The following LINGO2 variants were observed in gnomAD, a reference collection of about 807,000 sequenced individuals.
The protein encoded by LINGO2 is leucine rich repeat and Ig domain containing 2.
In LINGO2, 14 loss-of-function variants were observed where a neutral mutation model predicts 30.6. That is an observed-to-expected ratio of 0.46 (90% CI 0.30 to 0.72). LINGO2 has a LOEUF of 0.72. Among genes scored for constraint, LINGO2 ranks in the 30% least tolerant of loss-of-function variants. The pLI, the probability that LINGO2 is intolerant of heterozygous loss-of-function variation, is 0.07. For missense variants in LINGO2, 729 were observed against 751.7 expected, an observed-to-expected ratio of 0.97 and a Z score of 0.35; for synonymous variants, 317 against 288.5, an observed-to-expected ratio of 1.10 and a Z score of -1.00.
At chr9:28,988,775 C>T in the LINGO2 span, among the ~76,000 whole-genome samples, 4 of 152,276 alleles carry the variant, frequency 2.6e-5, no homozygotes, top group East Asian at 1.9e-4. Flanking sequence ...CATCTGGCAT[C>T]GTGCCTACCT....
At chr9:29,054,739 T>C in the LINGO2 span, among the ~76,000 whole-genome samples, 1 of 152,172 alleles carries the variant, frequency 6.6e-6, no homozygotes, top group Non-Finnish European at 1.5e-5. Flanking sequence ...GAATATCCAT[T>C]GGTGAAAACA....
intron 1 of LINGO2, among the ~76,000 whole-genome samples, chr9:28,522,027 A>G (rs1213677275): frequency 6.6e-6 from 1 of 152,228 alleles, no homozygotes; most frequent in Non-Finnish European, 1.5e-5. Context: ...AGCCTTCAGA[A>G]CTGTGAGAGA....
the LINGO2 span, among the ~76,000 whole-genome samples, chr9:29,207,081 A>G: frequency 6.6e-6 from 1 of 151,820 alleles, no homozygotes; most frequent in Non-Finnish European, 1.5e-5. Flanking sequence ...ACATATATAC[A>G]TAGAGACTCT....
At chr9:29,130,776 A>G in the LINGO2 span, among the ~76,000 whole-genome samples, 2 of 152,128 alleles carry the variant, frequency 1.3e-5, no homozygotes, top group African/African-American at 4.8e-5. Context: ...ACATGGAAGG[A>G]GGGATCAACT....
At chr9:28,936,699 T>C in the LINGO2 span, among the ~76,000 whole-genome samples, 5 of 152,230 alleles carry the variant, frequency 3.3e-5, no homozygotes, top group African/African-American at 1.2e-4. Context: ...ATAATGTACA[T>C]ATAGGGCTTA....
At chr9:27,937,845 G>A in the LINGO2 span, 1 of 151,924 alleles carries the variant, frequency 6.6e-6, no homozygotes, top group Non-Finnish European at 1.5e-5. Context: ...AATTACAATA[G>A]TTGTTGAAAA....
chr9:28,089,073 T>C (rs1166235386), intron 4 of LINGO2, among the ~76,000 whole-genome samples: 1 of 152,100 alleles, frequency 6.6e-6, no homozygotes, highest in Admixed American at 6.6e-5. Flanking sequence ...AGCAAGTCCT[T>C]AGAGACCTAC....
At chr9:28,437,143 A>T (rs10812826) in intron 2 of LINGO2, among the ~76,000 whole-genome samples, 1 of 152,088 alleles carries the variant, frequency 6.6e-6, no homozygotes, top group Admixed American at 6.5e-5. Context: ...ACTGAGTGGA[A>T]AAGGTCCACT....
chr9:28,317,750 T>C (rs1202375909), intron 3 of LINGO2, among the ~76,000 whole-genome samples: 3 of 152,216 alleles, frequency 2.0e-5, no homozygotes, highest in African/African-American at 4.8e-5. Flanking sequence ...TATTAATTCA[T>C]ACAGGGTACG....
chr9:28,012,926 T>C (rs190925962), intron 4 of LINGO2, among the ~76,000 whole-genome samples: 188 of 152,328 alleles, frequency 1.2e-3, no homozygotes, highest in African/African-American at 4.3e-3. Flanking sequence ...GCAGCGCTTG[T>C]TAAGACAGAT....
the LINGO2 span, among the ~76,000 whole-genome samples, chr9:29,153,558 A>G: frequency 6.6e-6 from 1 of 152,220 alleles, no homozygotes; most frequent in Non-Finnish European, 1.5e-5. Flanking sequence ...CAGTAACTTT[A>G]GAACTAAAAA....
intron 3 of LINGO2, among the ~76,000 whole-genome samples, chr9:28,322,747 A>AT (rs1342113104): frequency 6.6e-6 from 1 of 152,128 alleles, no homozygotes; most frequent in Admixed American, 6.5e-5. Context: ...AGCAGAATAT[A>AT]TTTTCTCTCT....
chr9:28,142,308 A>C (rs1286798788), intron 4 of LINGO2, among the ~76,000 whole-genome samples: 2 of 152,090 alleles, frequency 1.3e-5, no homozygotes, highest in African/African-American at 2.4e-5. Context: ...GTTGTATGTC[A>C]TGTTTCCTTA....
chr9:27,947,910 G>C (rs10968221), downstream of LINGO2, among the ~76,000 whole-genome samples: 73,410 of 151,994 alleles, frequency 0.48, 20,935 homozygotes, highest in Non-Finnish European at 0.61. Flanking sequence ...AATAGTGACT[G>C]TGGAAAGTAA....
At chr9:28,865,153 G>A in the LINGO2 span, among the ~76,000 whole-genome samples, 3 of 152,150 alleles carry the variant, frequency 2.0e-5, no homozygotes, top group Non-Finnish European at 4.4e-5. Flanking sequence ...AAGAAATAAC[G>A]TGATTTTTAT....
intron 1 of LINGO2, among the ~76,000 whole-genome samples, chr9:28,589,246 G>A (rs1054610053): frequency 1.3e-4 from 20 of 152,046 alleles, no homozygotes; most frequent in African/African-American, 4.1e-4. Flanking sequence ...AGCACAAGAC[G>A]GGGATGCCCT....
At chr9:28,918,989 C>A in the LINGO2 span, among the ~76,000 whole-genome samples, 2 of 152,118 alleles carry the variant, frequency 1.3e-5, no homozygotes, top group Non-Finnish European at 2.9e-5. Context: ...TGCACTGTAT[C>A]CAGTATGTTC....
At chr9:28,519,839 G>A (rs1820765136) in intron 1 of LINGO2, among the ~76,000 whole-genome samples, 1 of 152,076 alleles carries the variant, frequency 6.6e-6, no homozygotes, top group Non-Finnish European at 1.5e-5. Context: ...TTTTGGCATT[G>A]AGTCTAAGAA....
chr9:29,126,704 A>C, the LINGO2 span, among the ~76,000 whole-genome samples: 7,283 of 152,044 alleles, frequency 0.048, 554 homozygotes, highest in African/African-American at 0.16. Context: ...AAAATACAGA[A>C]CTTCGCAATT....
Sources: allele counts gnomAD v4.1 joint callset (sites outside exome capture counted in the v4.1 genomes callset), GRCh38; gene constraint gnomAD v4.1.1; transcripts MANE v1.5; gene names NCBI Gene and HGNC (gene_info 2026-07-23, HGNC 2026-07-21).